Variants in AKAP19 observed in about 807,000 individuals in gnomAD.
AKAP19 encodes the protein A-kinase anchoring protein 19.
chr2:190,031,512 A>G, the AKAP19 span, among the ~76,000 whole-genome samples: 1 of 152,088 alleles, frequency 6.6e-6, no homozygotes, highest in Admixed American at 6.6e-5. Context: ...TCACTTGACA[A>G]TGGTGGCAAA....
the AKAP19 span, among the ~76,000 whole-genome samples, chr2:190,146,106 G>C: frequency 6.6e-6 from 1 of 151,556 alleles, no homozygotes; most frequent in Non-Finnish European, 1.5e-5. Flanking sequence ...CCCATCACCC[G>C]AGCAGTATAC....
chr2:189,923,077 G>A, the AKAP19 span, among the ~76,000 whole-genome samples: 3 of 152,180 alleles, frequency 2.0e-5, no homozygotes, highest in Non-Finnish European at 4.4e-5. Context: ...CTAGAACATG[G>A]GAGGCGGAGG....
the AKAP19 span, among the ~76,000 whole-genome samples, chr2:189,880,681 C>CAG: frequency 6.6e-6 from 1 of 152,200 alleles, no homozygotes; most frequent in East Asian, 1.9e-4. Flanking sequence ...TTGGATGACT[C>CAG]AGCTTTCAGC....
the AKAP19 span, among the ~76,000 whole-genome samples, chr2:189,882,714 T>C: frequency 6.6e-6 from 1 of 152,128 alleles, no homozygotes; most frequent in Non-Finnish European, 1.5e-5. Flanking sequence ...CAGTTTACAT[T>C]GCCAGGGTGA....
chr2:189,967,722 G>A, the AKAP19 span, among the ~76,000 whole-genome samples: 35 of 151,612 alleles, frequency 2.3e-4, no homozygotes, highest in Non-Finnish European at 4.9e-4. Context: ...GCTGAGGCAA[G>A]AGGATCACTT....
At chr2:190,150,401 C>T in the AKAP19 span, 2 of 152,210 alleles carry the variant, frequency 1.3e-5, no homozygotes, top group Admixed American at 1.3e-4. Flanking sequence ...TCTGCTGCTT[C>T]CTCTACCACT....
the AKAP19 span, among the ~76,000 whole-genome samples, chr2:189,976,805 C>T: frequency 5.3e-5 from 8 of 152,258 alleles, no homozygotes; most frequent in East Asian, 5.8e-4. Flanking sequence ...CCTGGTGTGC[C>T]GTTTACTAAG....
the AKAP19 span, among the ~76,000 whole-genome samples, chr2:190,133,952 T>G: frequency 1.3e-5 from 2 of 152,226 alleles, no homozygotes; most frequent in Non-Finnish European, 2.9e-5. Flanking sequence ...AAATGTATTA[T>G]ACACTTGAAA....
At chr2:189,924,069 A>G in the AKAP19 span, 4 of 1,531,930 alleles carry the variant, frequency 2.6e-6, no homozygotes, top group South Asian at 4.5e-5. Flanking sequence ...GGGGGTGCAG[A>G]TGACTCTGCT....
chr2:190,054,372 A>G, the AKAP19 span, among the ~76,000 whole-genome samples: 1 of 152,188 alleles, frequency 6.6e-6, no homozygotes, highest in East Asian at 1.9e-4. Context: ...TGTTAGACCT[A>G]AAACCATAAA....
chr2:190,115,041 A>T, the AKAP19 span, among the ~76,000 whole-genome samples: 1 of 150,694 alleles, frequency 6.6e-6, no homozygotes, highest in African/African-American at 2.4e-5. Context: ...ATTCCTTAGC[A>T]TAATCTACTC....
the AKAP19 span, among the ~76,000 whole-genome samples, chr2:190,107,227 GGT>G: frequency 6.6e-6 from 1 of 152,134 alleles, no homozygotes; most frequent in Non-Finnish European, 1.5e-5. Context: ...ACATTTACTA[GGT>G]GTGTGACTTT....
At chr2:189,986,322 T>C in the AKAP19 span, among the ~76,000 whole-genome samples, 1 of 149,414 alleles carries the variant, frequency 6.7e-6, no homozygotes. Context: ...GTTTGAAACA[T>C]GAACAATTTT....
the AKAP19 span, among the ~76,000 whole-genome samples, chr2:190,188,323 A>G: frequency 6.6e-6 from 1 of 152,206 alleles, no homozygotes; most frequent in African/African-American, 2.4e-5. Context: ...ATTGATTTAA[A>G]TATTTTTGAG....
chr2:190,171,667 A>G, the AKAP19 span, among the ~76,000 whole-genome samples: 3 of 152,162 alleles, frequency 2.0e-5, no homozygotes, highest in African/African-American at 4.8e-5. Context: ...AAAAAATTTC[A>G]TATTACTCAA....
At chr2:189,912,027 G>A in the AKAP19 span, among the ~76,000 whole-genome samples, 1 of 151,712 alleles carries the variant, frequency 6.6e-6, no homozygotes, top group Non-Finnish European at 1.5e-5. Flanking sequence ...GGCAACAATT[G>A]AACAATTTAA....
the AKAP19 span, among the ~76,000 whole-genome samples, chr2:190,116,025 C>T: frequency 0.35 from 52,897 of 152,106 alleles, 9,413 homozygotes; most frequent in Middle Eastern, 0.44. Flanking sequence ...ATAATTTCTA[C>T]GCAAACCTGC....
the AKAP19 span, among the ~76,000 whole-genome samples, chr2:189,949,279 C>CG: frequency 2.0e-4 from 31 of 152,200 alleles, no homozygotes; most frequent in Non-Finnish European, 4.0e-4. Context: ...AAAAGCCGGG[C>CG]GCGATGGCTC....
At chr2:190,076,054 T>G in the AKAP19 span, among the ~76,000 whole-genome samples, 1 of 152,240 alleles carries the variant, frequency 6.6e-6, no homozygotes, top group Non-Finnish European at 1.5e-5. Flanking sequence ...ATCATACATT[T>G]TACCTTTACC....
Sources: gnomAD v4.1 joint callset for allele counts (sites outside exome capture counted in the v4.1 genomes callset) on GRCh38, gnomAD v4.1.1 for gene constraint, MANE v1.5 for transcripts, NCBI Gene and HGNC (gene_info 2026-07-23, HGNC 2026-07-21) for gene names.